Variants in IL1RAPL2 observed in about 807,000 individuals in gnomAD.
IL1RAPL2 encodes X-linked interleukin-1 receptor accessory protein-like 2.
In IL1RAPL2, 3 loss-of-function variants were observed where a neutral mutation model predicts 44.1. The observed-to-expected ratio is 0.07, with a 90% confidence interval of 0.03 to 0.18. The LOEUF is 0.18. Ranked by LOEUF, IL1RAPL2 falls within the 10% of genes least tolerant of loss-of-function variation. IL1RAPL2 has a pLI of 1.00. For synonymous variants in IL1RAPL2, 181 were observed against 178.8 expected, an observed-to-expected ratio of 1.01 and a Z score of -0.10; for missense variants, 391 against 496.4, an observed-to-expected ratio of 0.79 and a Z score of 2.02.
intron 2 of IL1RAPL2, among the ~76,000 whole-genome samples, chrX:104,946,346 G>A (rs1236544125): frequency 5.7e-5 from 4 of 70,100 alleles, no homozygotes; most frequent in African/African-American, 2.3e-4. Flanking sequence ...GCAGTCCGCA[G>A]TCTGGCCTGG....
At chrX:105,515,148 AG>A (rs913708760) in intron 6 of IL1RAPL2, among the ~76,000 whole-genome samples, 33 of 111,604 alleles carry the variant, frequency 3.0e-4, no homozygotes, top group Non-Finnish European at 2.6e-4. Context: ...GAAGTCAGAG[AG>A]GAAGTGTGTT....
intron 2 of IL1RAPL2, among the ~76,000 whole-genome samples, chrX:105,013,627 AG>A (rs1475033719): frequency 2.7e-5 from 3 of 110,499 alleles, no homozygotes; most frequent in African/African-American, 9.9e-5. Flanking sequence ...GCAGTGCTCC[AG>A]CCCTTTGTCC....
At chrX:104,728,011 T>C (rs1931830857) in intron 2 of IL1RAPL2, among the ~76,000 whole-genome samples, 1 of 110,698 alleles carries the variant, frequency 9.0e-6, no homozygotes, top group Non-Finnish European at 1.9e-5. Context: ...ATGTTCACTC[T>C]TTGGGTGATG....
At chrX:105,614,031 C>T (rs2037355656) in intron 6 of IL1RAPL2, among the ~76,000 whole-genome samples, 1 of 111,573 alleles carries the variant, frequency 9.0e-6, no homozygotes, top group African/African-American at 3.3e-5. Context: ...TTTCTACATA[C>T]CAACAGCAAA....
chrX:104,837,577 T>G (rs1265734386), intron 2 of IL1RAPL2, among the ~76,000 whole-genome samples: 1 of 112,098 alleles, frequency 8.9e-6, no homozygotes, highest in Non-Finnish European at 1.9e-5. Flanking sequence ...TGGGGTTGTT[T>G]GTTTTTTTCT....
chrX:105,151,313 G>C (rs1438293717), intron 2 of IL1RAPL2, among the ~76,000 whole-genome samples: 2 of 111,078 alleles, frequency 1.8e-5, no homozygotes. Flanking sequence ...TTTTTTCTAT[G>C]TGACTTGACA....
At chrX:105,370,921 AAT>A (rs1400407202) in intron 5 of IL1RAPL2, among the ~76,000 whole-genome samples, 1 of 111,888 alleles carries the variant, frequency 8.9e-6, no homozygotes, top group Non-Finnish European at 1.9e-5. Context: ...TTGACTTTTT[AAT>A]AATAGTCATT....
At chrX:105,508,685 A>T (rs1486332098) in intron 6 of IL1RAPL2, among the ~76,000 whole-genome samples, 2 of 107,485 alleles carry the variant, frequency 1.9e-5, no homozygotes, top group East Asian at 2.9e-4. Flanking sequence ...TTTTTTCCTG[A>T]TGACTTCTGA....
At chrX:105,381,069 C>T (rs1356766617) in intron 5 of IL1RAPL2, among the ~76,000 whole-genome samples, 1 of 110,989 alleles carries the variant, frequency 9.0e-6, no homozygotes, top group East Asian at 2.9e-4. Context: ...AGAGAAAAGT[C>T]CCTACCCCCA....
chrX:105,526,278 A>G (rs1443589732), intron 6 of IL1RAPL2, among the ~76,000 whole-genome samples: 1 of 111,621 alleles, frequency 9.0e-6, no homozygotes, highest in African/African-American at 3.3e-5. Flanking sequence ...AGGTATGATC[A>G]GTGTGTTGCC....
intron 5 of IL1RAPL2, among the ~76,000 whole-genome samples, chrX:105,441,190 T>C (rs2035918196): frequency 8.9e-6 from 1 of 111,929 alleles, no homozygotes; most frequent in Non-Finnish European, 1.9e-5. Flanking sequence ...GTGGTATTAT[T>C]TGGAGTCTGG....
intron 6 of IL1RAPL2, among the ~76,000 whole-genome samples, chrX:105,702,948 C>T (rs906655831): frequency 6.3e-5 from 7 of 111,429 alleles, no homozygotes; most frequent in African/African-American, 2.3e-4. Flanking sequence ...TGAGGAAAAC[C>T]ATTTCAAGCT....
chrX:104,737,613 A>G (rs1384655531), intron 2 of IL1RAPL2, among the ~76,000 whole-genome samples: 1 of 111,975 alleles, frequency 8.9e-6, no homozygotes, highest in African/African-American at 3.2e-5. Flanking sequence ...GATGACAGTT[A>G]CTGCCCATGT....
chrX:105,699,875 T>C (rs1400459782), intron 6 of IL1RAPL2, among the ~76,000 whole-genome samples: 1 of 112,046 alleles, frequency 8.9e-6, no homozygotes, highest in Non-Finnish European at 1.9e-5. Context: ...TCAGCTCATG[T>C]TGCAGAGAAC....
chrX:105,291,056 A>C (rs1194423253), intron 5 of IL1RAPL2, among the ~76,000 whole-genome samples: 1 of 111,514 alleles, frequency 9.0e-6, no homozygotes, highest in African/African-American at 3.3e-5. Context: ...CTTGATCAAA[A>C]TCAAAACCAT....
intron 5 of IL1RAPL2, among the ~76,000 whole-genome samples, chrX:105,329,545 C>T (rs761208659): frequency 8.9e-6 from 1 of 111,906 alleles, no homozygotes; most frequent in African/African-American, 3.2e-5. Context: ...TGTTTAATTT[C>T]ATATTGAAAA....
intron 2 of IL1RAPL2, among the ~76,000 whole-genome samples, chrX:104,710,418 A>G (rs1198014746): frequency 9.0e-6 from 1 of 111,273 alleles, no homozygotes; most frequent in Non-Finnish European, 1.9e-5. Context: ...AATCCAGAAT[A>G]AGCAAATCCA....
intron 2 of IL1RAPL2, among the ~76,000 whole-genome samples, chrX:105,165,283 A>G (rs1239816342): frequency 9.0e-6 from 1 of 111,599 alleles, no homozygotes; most frequent in African/African-American, 3.3e-5. Context: ...ACTGTTCCAT[A>G]AAAATTTGGG....
chrX:104,802,754 A>T (rs1207715569), intron 2 of IL1RAPL2, among the ~76,000 whole-genome samples: 3 of 111,763 alleles, frequency 2.7e-5, no homozygotes, highest in African/African-American at 9.8e-5. Context: ...GAGGTTATTC[A>T]TTTATTTTCT....
Sources: allele counts gnomAD v4.1 joint callset (sites outside exome capture counted in the v4.1 genomes callset), GRCh38; gene constraint gnomAD v4.1.1; transcripts MANE v1.5; gene names NCBI Gene and HGNC (gene_info 2026-07-23, HGNC 2026-07-21).